The following ABCB5 variants were observed in gnomAD, a reference collection of about 807,000 sequenced individuals.
ABCB5 encodes the protein ATP binding cassette subfamily B member 5.
ABCB5 carries 155 observed loss-of-function variants against 144.2 expected under a neutral mutation model. The ratio of observed to expected loss-of-function variants is 1.08; its 90% CI spans 0.94 to 1.23. ABCB5 has a LOEUF of 1.23. Ranked by LOEUF, ABCB5 falls within the 50% of genes most tolerant of loss-of-function variation. The pLI, the probability that ABCB5 is intolerant of heterozygous loss-of-function variation, is 0.00. For missense variants in ABCB5, 1,830 were observed against 1,520.8 expected (o/e 1.20, Z -3.38); for synonymous variants, 610 against 528.6 (o/e 1.15, Z -2.11).
At chr7:20,694,788 C>A (rs952078713) in intron 16 of ABCB5, among the ~76,000 whole-genome samples, 2 of 151,824 alleles carry the variant, frequency 1.3e-5, no homozygotes, top group Admixed American at 6.6e-5. Flanking sequence ...AATCCCAATT[C>A]TATATACTAC....
At chr7:20,735,082 T>C (rs571470128) in intron 23 of ABCB5, among the ~76,000 whole-genome samples, 1 of 152,286 alleles carries the variant, frequency 6.6e-6, no homozygotes, top group South Asian at 2.1e-4. Context: ...GTGAGTTTCT[T>C]CCATATTTTC....
intron 26 of ABCB5, among the ~76,000 whole-genome samples, chr7:20,751,369 G>A (rs1003938321): frequency 6.6e-6 from 1 of 152,182 alleles, no homozygotes; most frequent in African/African-American, 2.4e-5. Context: ...CTACTGGGAG[G>A]CTGAGGCAGG....
intron 4 of ABCB5, among the ~76,000 whole-genome samples, chr7:20,630,034 G>T (rs545541780): frequency 3.3e-3 from 495 of 151,866 alleles, no homozygotes; most frequent in Non-Finnish European, 3.1e-3. Context: ...TTCGTGTATC[G>T]TTTGTAGCCT....
At chr7:20,659,872 C>G in intron 14 of ABCB5, 2 of 903,688 alleles carry the variant, frequency 2.2e-6, no homozygotes, top group Non-Finnish European at 2.6e-6. Context: ...TTAGTAGAGA[C>G]AAGGTTTTGC....
At chr7:20,715,973 G>A (rs1383008989) in intron 20 of ABCB5, among the ~76,000 whole-genome samples, 2 of 151,990 alleles carry the variant, frequency 1.3e-5, no homozygotes, top group African/African-American at 4.8e-5. Context: ...TCCCACCTCG[G>A]CCTGTAATCC....
chr7:20,688,137 G>T (rs1284778325), intron 16 of ABCB5, among the ~76,000 whole-genome samples: 1 of 152,130 alleles, frequency 6.6e-6, no homozygotes, highest in Non-Finnish European at 1.5e-5. Context: ...AGGTTGCAGT[G>T]AGCTAAGATC....
Position 20,623,480 on chromosome 7 carries a change from A to G in ABCB5, c.53+142A>G. On this transcript the variant is annotated intron_variant, in intron 2 of 27. Transcript: ENST00000404938. ...CATTTTGCTGAACTTGAACATAAGCAGTCTTATAATTAATTTAATAGTGAT... is the reference window on the plus strand; with the variant it reads ...CATTTTGCTGAACTTGAACATAAGCGGTCTTATAATTAATTTAATAGTGAT... 5 of 695,632 alleles carry G rather than the reference A, an allele frequency of 7.2e-6. No individual in the cohort carries two copies. The South Asian group carries it at 8.5e-5, about 12-fold the overall frequency. 43.1% of individuals were successfully genotyped at this position (695,632 alleles called of 1,614,324 possible).
intron 25 of ABCB5, 81 bp downstream of exon 25, chr7:20,743,155 CT>C (rs1160892745): frequency 1.4e-6 from 2 of 1,473,420 alleles, no homozygotes; most frequent in African/African-American, 2.8e-5. Context: ...AGCATCCCCA[CT>C]GGTTTGGGTG....
At chr7:20,630,968 C>T (rs1205778559) in intron 4 of ABCB5, among the ~76,000 whole-genome samples, 2 of 152,110 alleles carry the variant, frequency 1.3e-5, no homozygotes, top group Admixed American at 6.6e-5. Flanking sequence ...TATTATAACA[C>T]ATTGTTAAAG....
At chr7:20,745,689 ATC>A (rs1782697872) in intron 26 of ABCB5, among the ~76,000 whole-genome samples, 2 of 151,938 alleles carry the variant, frequency 1.3e-5, no homozygotes, top group South Asian at 4.2e-4. Flanking sequence ...TTTGCCTTCC[ATC>A]CATCTACACT....
At chr7:20,633,336 C>T (rs376291355) in intron 5 of ABCB5, among the ~76,000 whole-genome samples, 1 of 152,128 alleles carries the variant, frequency 6.6e-6, no homozygotes, top group Non-Finnish European at 1.5e-5. Context: ...TCTGTACTGC[C>T]TCACTAAAGC....
chr7:20,656,431 A>C (rs1784793988), intron 13 of ABCB5, among the ~76,000 whole-genome samples: 1 of 152,180 alleles, frequency 6.6e-6, no homozygotes, highest in African/African-American at 2.4e-5. Flanking sequence ...GAGACAAAAA[A>C]TAGAAATTAA....
At chr7:20,632,579 C>G (rs537671198) in intron 5 of ABCB5, among the ~76,000 whole-genome samples, 8 of 152,066 alleles carry the variant, frequency 5.3e-5, no homozygotes, top group Non-Finnish European at 1.2e-4. Context: ...TATTGCAGCA[C>G]TATTCACAAT....
intron 27 of ABCB5, among the ~76,000 whole-genome samples, chr7:20,754,617 C>G (rs2128058434): frequency 6.6e-6 from 1 of 152,264 alleles, no homozygotes; most frequent in South Asian, 2.1e-4. Context: ...GTTAACAGGA[C>G]AGTTCTACAG....
rs1001519548 is a variant in ABCB5, at chr7:20,708,266, G to A, written c.2421+3459G>A. Among the ~76,000 whole-genome samples, 67 of 152,160 alleles carry A rather than the reference G, an allele frequency of 4.4e-4. 2 individuals carry two copies. ...TGCAGTTTTAGGTTGAATTAAGAAA[G>A]ATAATCAAATCTACAGCAGAAGCTA... On this transcript the variant is annotated intron_variant, in intron 20 of 27. Coordinates refer to ENST00000404938, the MANE Select transcript of ABCB5 (RefSeq NM_001163941.2).
intron 7 of ABCB5, 56 bp from the exon 8 acceptor site, chr7:20,645,700 C>G (rs1387196672): frequency 7.0e-6 from 11 of 1,582,404 alleles, no homozygotes; most frequent in African/African-American, 1.4e-5. Flanking sequence ...CTTAAATGTT[C>G]AGAACATTAT....
At chr7:20,741,425 CA>C (rs932007649) in intron 24 of ABCB5, among the ~76,000 whole-genome samples, 7 of 149,766 alleles carry the variant, frequency 4.7e-5, no homozygotes, top group Admixed American at 2.7e-4. Context: ...GGAAGTACAC[CA>C]AAAAAAATTT....
chr7:20,721,900 C>T (rs1161624191), intron 20 of ABCB5, among the ~76,000 whole-genome samples: 1 of 152,120 alleles, frequency 6.6e-6, no homozygotes, highest in Non-Finnish European at 1.5e-5. Flanking sequence ...ATATGTAAAA[C>T]CTTCTAAAAG....
Position 20,745,357 on chromosome 7 carries a change from C to G in ABCB5, c.3348C>G (p.Asn1116Lys). Residue 1116 changes from asparagine (N) to lysine (K), a missense_variant, in exon 26 of 28, where the codon AAC (asparagine) becomes AAG (lysine). Coordinates refer to ENST00000404938, the MANE Select transcript of ABCB5 (RefSeq NM_001163941.2). ...SIAENIAYGD[N>K]SRVVPLDEIK... ...CTGAGAACATCGCCTATGGTGACAACAGCCGTGTGGTGCCATTAGATGAGA... is the reference window on the plus strand; with the variant it reads ...CTGAGAACATCGCCTATGGTGACAAGAGCCGTGTGGTGCCATTAGATGAGA... The G allele has an allele frequency of 1.2e-6, 2 of 1,614,174 alleles. No individual in the cohort carries two copies. The highest frequency in any genetic ancestry group is 1.7e-6 in the Non-Finnish European group (2 of 1,180,010).
Sources: allele counts gnomAD v4.1 joint callset (sites outside exome capture counted in the v4.1 genomes callset), GRCh38; gene constraint gnomAD v4.1.1; transcripts MANE v1.5; gene names NCBI Gene and HGNC (gene_info 2026-07-23, HGNC 2026-07-21).